ZNF407: variants seen among roughly 807,000 people sequenced by gnomAD.
The protein encoded by ZNF407 is zinc finger protein 407.
In ZNF407, 17 loss-of-function variants were observed where a neutral mutation model predicts 131.2. The observed-to-expected ratio is 0.13, with a 90% confidence interval of 0.09 to 0.19. The LOEUF (loss-of-function observed/expected upper bound fraction) is 0.19. ZNF407 is among the 10% of genes least tolerant of loss of function. The probability of loss-of-function intolerance (pLI) is 1.00; values close to 1 mark genes in which losing one functional copy is unlikely to be tolerated. For synonymous variants in ZNF407, 1,156 were observed against 1,062.0 expected, an observed-to-expected ratio of 1.09 and a Z score of -1.72; for missense variants, 2,681 against 2,830.6, an observed-to-expected ratio of 0.95 and a Z score of 1.20.
intron 8 of ZNF407, among the ~76,000 whole-genome samples, chr18:75,039,475 G>T (rs946639086): frequency 6.6e-6 from 1 of 152,190 alleles, no homozygotes; most frequent in African/African-American, 2.4e-5. Context: ...GTGACAACAG[G>T]ACTTGTATTA....
chr18:74,946,885 A>C (rs1972159210), intron 8 of ZNF407, among the ~76,000 whole-genome samples: 1 of 152,212 alleles, frequency 6.6e-6, no homozygotes, highest in Admixed American at 6.5e-5. Flanking sequence ...CATTTTACTG[A>C]ATTCCTTTTA....
At chr18:74,806,461 T>G (rs1970111055) in intron 4 of ZNF407, among the ~76,000 whole-genome samples, 1 of 152,210 alleles carries the variant, frequency 6.6e-6, no homozygotes, top group Non-Finnish European at 1.5e-5. Flanking sequence ...TGAGTTCCAG[T>G]TGGTCCCTAA....
chr18:74,870,737 C>T (rs1295498353), intron 4 of ZNF407, among the ~76,000 whole-genome samples: 2 of 152,154 alleles, frequency 1.3e-5, no homozygotes, highest in Non-Finnish European at 2.9e-5. Flanking sequence ...GGTCTTATCA[C>T]AGTTACTGTT....
chr18:74,847,868 C>T (rs1043175844), intron 4 of ZNF407, among the ~76,000 whole-genome samples: 2 of 150,554 alleles, frequency 1.3e-5, no homozygotes, highest in African/African-American at 4.9e-5. Context: ...AAAAAAAACA[C>T]GCTACCCAGC....
At chr18:74,814,107 A>G (rs1388713857) in intron 4 of ZNF407, among the ~76,000 whole-genome samples, 1 of 152,094 alleles carries the variant, frequency 6.6e-6, no homozygotes, top group African/African-American at 2.4e-5. Context: ...CAGAGACCAA[A>G]TAATACTCCT....
rs1212319343 is a variant in ZNF407, at chr18:74,616,920, C to T, written c.-53-14047C>T. Among the ~76,000 whole-genome samples, 99 of 20,396 alleles carry T rather than the reference C, an allele frequency of 4.9e-3. 1 individual carries two copies. The highest frequency in any genetic ancestry group is 0.036 in the Middle Eastern group (1 of 28). 13.4% of individuals were successfully genotyped at this position (20,396 alleles called of 152,430 possible). A position where few individuals can be genotyped will look rare whatever the true frequency, so the allele number is the denominator to read the frequency against. ...CCATATCCACACACATCCATATCCA[C>T]GCACCATACACATCCATATCCACAC... On this transcript the variant is annotated intron_variant, in intron 1 of 8. Coordinates refer to ENST00000299687, the MANE Select transcript of ZNF407 (RefSeq NM_017757.3).
At chr18:74,897,982 G>C (rs1402197316) in intron 7 of ZNF407, 1 of 152,234 alleles carries the variant, frequency 6.6e-6, no homozygotes, top group African/African-American at 2.4e-5. Context: ...TGGTCAGAGT[G>C]CTAAGATACT....
intron 8 of ZNF407, among the ~76,000 whole-genome samples, chr18:74,937,255 A>G (rs986767297): frequency 1.3e-5 from 2 of 152,230 alleles, no homozygotes; most frequent in African/African-American, 4.8e-5. Context: ...ATACATGGTA[A>G]CAACTATTTT....
At chr18:74,609,620 C>T (rs1189896147) in intron 1 of ZNF407, among the ~76,000 whole-genome samples, 1 of 152,124 alleles carries the variant, frequency 6.6e-6, no homozygotes, top group African/African-American at 2.4e-5. Context: ...AATGCGAAGG[C>T]CTAGGAGATT....
chr18:74,945,936 T>G (rs1245578827), intron 8 of ZNF407, among the ~76,000 whole-genome samples: 4 of 152,204 alleles, frequency 2.6e-5, no homozygotes, highest in African/African-American at 9.7e-5. Flanking sequence ...CCCTTAAAAC[T>G]GTGGGTGAAA....
At chr18:74,709,647 C>G (rs1268832263) in intron 3 of ZNF407, among the ~76,000 whole-genome samples, 1 of 152,158 alleles carries the variant, frequency 6.6e-6, no homozygotes, top group Non-Finnish European at 1.5e-5. Flanking sequence ...AGCATTGATT[C>G]TTAGGTTTGA....
chr18:74,623,652 G>C (rs1275331025), intron 1 of ZNF407, among the ~76,000 whole-genome samples: 2 of 152,176 alleles, frequency 1.3e-5, no homozygotes, highest in South Asian at 2.1e-4. Flanking sequence ...GTCATCAGAA[G>C]GCTGCGCTTG....
intron 1 of ZNF407, among the ~76,000 whole-genome samples, chr18:74,621,649 G>A (rs1401174809): frequency 6.6e-6 from 1 of 152,152 alleles, no homozygotes; most frequent in African/African-American, 2.4e-5. Context: ...CATGCAGGAA[G>A]CACAGGGTCT....
In ZNF407 at chr18:74,934,786, A is replaced by G. The variant is rs1276058112; in HGVS notation, c.5428+14094A>G. On this transcript the variant is annotated intron_variant, in intron 8 of 8. Coordinates refer to ENST00000299687, the MANE Select transcript of ZNF407 (RefSeq NM_017757.3). ...ATGCCACTGCACTCCAGCCTGGGCG[A>G]CAGAGCGAGACTCGGTCTCAAAAAC... 6.6e-5 allele frequency among the ~76,000 whole-genome samples: 10 copies of G among 152,358 alleles called. No homozygotes were observed. In the East Asian group the frequency reaches 1.9e-3, roughly 29 times the overall value.
At chr18:74,895,479 C>A (rs915805162) in intron 7 of ZNF407, among the ~76,000 whole-genome samples, 1 of 152,032 alleles carries the variant, frequency 6.6e-6, no homozygotes, top group Admixed American at 6.6e-5. Context: ...GCCAAACATA[C>A]TTTTAATTTA....
intron 8 of ZNF407, among the ~76,000 whole-genome samples, chr18:75,019,216 A>G (rs1220035313): frequency 2.6e-5 from 4 of 152,220 alleles, no homozygotes; most frequent in African/African-American, 9.6e-5. Context: ...GAGGTAGCTT[A>G]TATAAAATAC....
chr18:74,814,106 A>C (rs1040807622), intron 4 of ZNF407, among the ~76,000 whole-genome samples: 4 of 152,096 alleles, frequency 2.6e-5, no homozygotes, highest in African/African-American at 7.2e-5. Context: ...TCAGAGACCA[A>C]ATAATACTCC....
intron 3 of ZNF407, 88 bp from the exon 4 acceptor site, chr18:74,781,338 CAT>C: frequency 5.6e-6 from 5 of 896,134 alleles, no homozygotes; most frequent in Non-Finnish European, 8.5e-6. Flanking sequence ...GTTATGTTTG[CAT>C]ATATATATTA....
chr18:74,983,209 G>A (rs146015298), intron 8 of ZNF407, among the ~76,000 whole-genome samples: 96 of 152,074 alleles, frequency 6.3e-4, no homozygotes, highest in African/African-American at 2.2e-3. Context: ...AGTAGTACCC[G>A]GCTTTTGCTG....
Sources: allele counts gnomAD v4.1 joint callset (sites outside exome capture counted in the v4.1 genomes callset), GRCh38; gene constraint gnomAD v4.1.1; transcripts MANE v1.5; gene names NCBI Gene and HGNC (gene_info 2026-07-23, HGNC 2026-07-21).